Variants in SPATA31A3 observed in about 807,000 individuals in gnomAD.
SPATA31A3 encodes the protein spermatogenesis-associated protein 31A3.
For synonymous variants in SPATA31A3, 47 were observed against 419.3 expected (o/e 0.11, Z 10.85); for missense variants, 132 against 1,094.6 (o/e 0.12, Z 12.41).
chr9:66,987,132 T>C lies in SPATA31A3; in HGVS notation c.3366A>G (p.Glu1122=), dbSNP rs1190744304. ...GAGTCCTCAATCCTTCAAGCCTTTC[T>C]TCATGTTTTTCTAAGTTGGGCTTCC... The change falls in exon 4 of 4, where the codon GAA becomes GAG. Residue 1122 remains glutamate (E), a synonymous_variant. Coordinates refer to ENST00000428649, the Ensembl canonical transcript of SPATA31A3. 2.5e-6 allele frequency: 3 copies of C among 1,193,440 alleles called. 1 individual carries two copies. The highest frequency in any genetic ancestry group is 4.4e-5 in the Admixed American group (2 of 45,032). 73.9% of individuals were successfully genotyped at this position (1,193,440 alleles called of 1,614,324 possible). A position where few individuals can be genotyped will look rare whatever the true frequency, so the allele number is the denominator to read the frequency against.
exon 4 of SPATA31A3, chr9:66,987,030 C>T: frequency 1.3e-6 from 2 of 1,582,914 alleles, no homozygotes; most frequent in East Asian, 2.2e-5. Flanking sequence ...CTGAAGGAGG[C>T]TGTTTCTTTG....
At chr9:66,988,656 C>T (rs1357458475) in exon 4 of SPATA31A3, 2 of 1,165,228 alleles carry the variant, frequency 1.7e-6, no homozygotes, top group East Asian at 4.6e-5. Context: ...GGATCCTTCC[C>T]AGGTTGCCCC....
chr9:66,987,248 C>A, exon 4 of SPATA31A3: 2 of 1,229,154 alleles, frequency 1.6e-6, no homozygotes, highest in South Asian at 1.2e-5. Flanking sequence ...TCCTCGTGCA[C>A]CAGTTTGCTC....
At chr9:66,986,765 C>G in exon 4 of SPATA31A3, 1 of 1,454,474 alleles carries the variant, frequency 6.9e-7, no homozygotes, top group Non-Finnish European at 9.2e-7. Context: ...CAGGGAAACC[C>G]ACAGACTGGG....
exon 4 of SPATA31A3, chr9:66,988,861 G>C: frequency 3.5e-6 from 2 of 568,764 alleles, no homozygotes; most frequent in Non-Finnish European, 2.7e-6. Flanking sequence ...CCTCAACAAA[G>C]GCCATTCAGG....
chr9:66,989,078 G>T (rs974112970), exon 4 of SPATA31A3: 2 of 256,250 alleles, frequency 7.8e-6, no homozygotes, highest in African/African-American at 2.4e-4. Flanking sequence ...GGCCCCAGAT[G>T]GGACAGGGGC....
At chr9:66,991,768 C>G (rs1438727282) in intron 1 of SPATA31A3, among the ~76,000 whole-genome samples, 1 of 57,476 alleles carries the variant, frequency 1.7e-5, no homozygotes, top group Non-Finnish European at 3.3e-5. Context: ...CACACACACA[C>G]AGAGGGATTT....
chr9:66,987,227 G>T, exon 4 of SPATA31A3: 2 of 1,180,922 alleles, frequency 1.7e-6, no homozygotes, highest in Admixed American at 4.5e-5. Flanking sequence ...TGACAGTTTG[G>T]TTTTCTGGGC....
exon 4 of SPATA31A3, chr9:66,987,469 A>G: frequency 7.7e-7 from 1 of 1,294,270 alleles, no homozygotes; most frequent in Non-Finnish European, 1.1e-6. Flanking sequence ...AAATTCACTA[A>G]CAACCTCCTC....
At position 66,987,242 on chromosome 9, in the gene SPATA31A3, C is replaced by T. The variant is rs1178213611; in HGVS notation, c.3256G>A (p.Glu1086Lys). 2.5e-5 allele frequency: 31 copies of T among 1,217,914 alleles called. 7 individuals are homozygous for T. The highest frequency in any genetic ancestry group is 2.6e-5 in the Non-Finnish European group (22 of 856,884). The allele number at this position is 1,217,914 out of a possible 1,614,324, so 75.4% of individuals were successfully genotyped here. ...TGACAGTTTGGTTTTCTGGGCTCCT[C>T]GTGCACCAGTTTGCTCCTTCTGGCT... The change falls in exon 4 of 4, where the codon GAG becomes AAG. Residue 1086 changes from glutamate (E) to lysine (K), a missense_variant. Glu to Lys is a moderately conservative substitution (Grantham distance 56). Transcript: ENST00000428649.
At chr9:66,987,124 A>G (rs1302208048) in exon 4 of SPATA31A3, 2 of 1,234,700 alleles carry the variant, frequency 1.6e-6, no homozygotes, top group East Asian at 4.5e-5. Context: ...CAATCCTTCA[A>G]GCCTTTCTTC....
At chr9:66,987,329 G>T in exon 4 of SPATA31A3, 1 of 1,264,236 alleles carries the variant, frequency 7.9e-7, no homozygotes, top group African/African-American at 1.8e-5. Context: ...CTCTGGAGAT[G>T]GCCCTGGGGC....
In SPATA31A3 at chr9:66,992,477, CG is replaced by C; in HGVS notation, c.44del (p.Ser15CysfsTer2). 3.2e-6 allele frequency: 1 copy of C among 309,490 alleles called. No homozygotes were observed. Among genetic ancestry groups the C allele is most frequent in the Admixed American group, 8.5e-5 (1 of 11,828 alleles). 19.2% of individuals were successfully genotyped at this position (309,490 alleles called of 1,614,324 possible). A position where few individuals can be genotyped will look rare whatever the true frequency, so the allele number is the denominator to read the frequency against. ...ATGGTGTGGAACTGGGGGCGTTTAGCGATGAGGCACTAAGTAATTTTAAAGG... is the reference window on the plus strand; with the variant it reads ...ATGGTGTGGAACTGGGGGCGTTTAGCATGAGGCACTAAGTAATTTTAAAGG... On this transcript the variant is annotated frameshift_variant, in exon 1 of 4. Transcript: ENST00000428649. LOFTEE classifies it high-confidence loss of function.
In SPATA31A3 at chr9:66,987,194, G is replaced by A. The variant is rs767931507; in HGVS notation, c.3304C>T (p.Pro1102Ser). 5.9e-6 allele frequency: 7 copies of A among 1,181,724 alleles called. 3 individuals carry two copies. The South Asian group carries it at 9.0e-5, about 15-fold the overall frequency. 73.2% of individuals were successfully genotyped at this position (1,181,724 alleles called of 1,614,324 possible). A position where few individuals can be genotyped will look rare whatever the true frequency, so the allele number is the denominator to read the frequency against. ...CTCTTGTGAATAGGGGGAAACATTG[G>A]CCTTTGGCTCTTGCATGAGCCTTGA... The change falls in exon 4 of 4, where the codon CCA (proline) becomes TCA (serine). Residue 1102 changes from proline (P) to serine (S), a missense_variant. Physicochemically the swap from Pro to Ser is moderately conservative, Grantham distance 74 (BLOSUM62 -1). Coordinates refer to ENST00000428649, the Ensembl canonical transcript of SPATA31A3.
intron 1 of SPATA31A3, among the ~76,000 whole-genome samples, chr9:66,991,710 TAAC>T (rs1823326311): frequency 1.3e-5 from 1 of 79,216 alleles, no homozygotes; most frequent in South Asian, 5.7e-4. Flanking sequence ...AAAATAAAAA[TAAC>T]ACACACAAAT....
chr9:66,987,257 T>A lies in SPATA31A3; in HGVS notation c.3241A>T (p.Ser1081Cys). The stretch of plus-strand genomic sequence containing the variant: ...CTGGGCTCCTCGTGCACCAGTTTGC[T>A]CCTTCTGGCTGCCATGAGGTCATGT... Residue 1081 changes from serine to cysteine, a missense_variant, in exon 4 of 4, where the codon AGC becomes TGC. By Grantham distance (112) the Ser-to-Cys change is moderately radical (BLOSUM62 -1). Coordinates refer to ENST00000428649, the Ensembl canonical transcript of SPATA31A3. 2 of 1,245,876 alleles carry A rather than the reference T, an allele frequency of 1.6e-6. 1 individual carries two copies. Among genetic ancestry groups the A allele is most frequent in the Non-Finnish European group, 2.3e-6 (2 of 877,702 alleles). 77.2% of individuals were successfully genotyped at this position (1,245,876 alleles called of 1,614,324 possible). A position where few individuals can be genotyped will look rare whatever the true frequency, so the allele number is the denominator to read the frequency against.
At chr9:66,987,082 G>A (rs1823245579) in exon 4 of SPATA31A3, 3 of 1,296,186 alleles carry the variant, frequency 2.3e-6, no homozygotes, top group Non-Finnish European at 3.3e-6. Context: ...GGTGTCTTCT[G>A]TTTTCCTGAC....
Position 66,991,062 on chromosome 9 carries a change from G to GGT in SPATA31A3, c.247+11_247+12insAC, listed in dbSNP as rs1823312740. On this transcript the variant is annotated intron_variant, in intron 2 of 3. Coordinates refer to ENST00000428649, the Ensembl canonical transcript of SPATA31A3. ...ATCAAATTAACCCTAGTGTGCTCTG[G>GGT]CAGAGCCTTACCTCTCAGACTGTGG... The GGT allele has an allele frequency of 6.4e-7, 1 of 1,568,510 alleles. No homozygotes were observed. The highest frequency in any genetic ancestry group is 1.6e-5 in the African/African-American group (1 of 62,262).
In SPATA31A3 at chr9:66,987,655, GC is replaced by G; in HGVS notation, c.2842del (p.Ala948LeufsTer171). On this transcript the variant is annotated frameshift_variant, in exon 4 of 4. Coordinates refer to ENST00000428649, the Ensembl canonical transcript of SPATA31A3. LOFTEE classifies it low-confidence loss of function (END_TRUNC). ...TGGCACTGCCTCCCTTGTCTCTCCA[GC>G]CTTTGAAGATTGGGCTCCTAAGCTC... 1 of 1,546,932 alleles carries G rather than the reference GC, an allele frequency of 6.5e-7. No homozygotes were observed. Among genetic ancestry groups the G allele is most frequent in the African/African-American group, 1.5e-5 (1 of 65,642 alleles).
Sources: allele counts gnomAD v4.1 joint callset (sites outside exome capture counted in the v4.1 genomes callset), GRCh38; gene constraint gnomAD v4.1.1; transcripts MANE v1.5; gene names NCBI Gene and HGNC (gene_info 2026-07-23, HGNC 2026-07-21).